Variants in PCDHA3 observed in about 807,000 individuals in gnomAD.
PCDHA3 encodes the protein protocadherin alpha-3.
Under a neutral mutation model 62.2 loss-of-function variants are expected in PCDHA3, and 41 were observed. The observed-to-expected ratio is 0.66, with a 90% CI of 0.51 to 0.86. The LOEUF is 0.86. Ranked by LOEUF, PCDHA3 falls within the 40% of genes least tolerant of loss-of-function variation. PCDHA3 has a pLI of 0.00. For synonymous variants in PCDHA3, 640 were observed against 555.4 expected (o/e 1.15, Z -2.14); for missense variants, 1,304 against 1,241.2 (o/e 1.05, Z -0.76).
At chr5:140,992,587 A>C (rs1393295001) in intron 3 of PCDHA3, among the ~76,000 whole-genome samples, 2 of 152,186 alleles carry the variant, frequency 1.3e-5, no homozygotes, top group African/African-American at 2.4e-5. Context: ...CCTTGTATGC[A>C]TCTAGCGTCT....
intron 3 of PCDHA3, among the ~76,000 whole-genome samples, chr5:140,986,524 G>C (rs2097203903): frequency 6.6e-6 from 1 of 152,198 alleles, no homozygotes; most frequent in South Asian, 2.1e-4. Flanking sequence ...GCCTGTGAGG[G>C]AACTGGCCTG....
chr5:140,837,300 A>C (rs78200905), intron 1 of PCDHA3: 1 of 151,976 alleles, frequency 6.6e-6, no homozygotes, highest in Non-Finnish European at 1.5e-5. Flanking sequence ...CTTTGTTGAG[A>C]TGTATTTGCC....
intron 3 of PCDHA3, among the ~76,000 whole-genome samples, chr5:140,994,922 G>A (rs184710391): frequency 4.6e-5 from 7 of 152,342 alleles, no homozygotes; most frequent in African/African-American, 9.6e-5. Context: ...ATCAGATTTT[G>A]TAGGACCTTA....
intron 1 of PCDHA3, chr5:140,877,968 C>A: frequency 7.9e-7 from 1 of 1,272,970 alleles, no homozygotes; most frequent in Non-Finnish European, 1.0e-6. Context: ...CTTTCTTGGT[C>A]ATTCTTACTC....
chr5:140,858,998 T>G, intron 1 of PCDHA3: 1 of 151,598 alleles, frequency 6.6e-6, no homozygotes, highest in East Asian at 1.9e-4. Context: ...TTGGTAAAAA[T>G]TTCTTAATCT....
chr5:140,851,277 A>C (rs1190417685), intron 1 of PCDHA3: 1 of 1,055,236 alleles, frequency 9.5e-7, no homozygotes, highest in East Asian at 4.9e-5. Flanking sequence ...TGTATTGTTT[A>C]TAAGAAACCC....
intron 1 of PCDHA3, chr5:140,966,810 G>A (rs1290992432): frequency 3.9e-6 from 6 of 1,548,566 alleles, no homozygotes; most frequent in African/African-American, 1.4e-5. Context: ...GAGCATCCAC[G>A]GCTCCGGCGG....
Position 140,801,772 on chromosome 5 carries a change from T to C in PCDHA3, c.575T>C (p.Leu192Pro), listed in dbSNP as rs564667115. ...VKRNDEEIKS[L>P]GLVLKKNLNR... ...AGAAATGATGAGGAAATTAAATCCC[T>C]TGGACTCGTGTTGAAAAAAAATTTA... is the stretch of plus-strand genomic sequence containing the variant. Residue 192 changes from leucine to proline, a missense_variant, in exon 1 of 4, where the codon CTT becomes CCT. Physicochemically the swap from Leu to Pro is moderately conservative, Grantham distance 98. Transcript: ENST00000522353. The C allele has an allele frequency of 9.3e-6, 15 of 1,614,060 alleles. No homozygotes were observed. In the South Asian group the frequency reaches 1.2e-4, roughly 13 times the overall value.
At chr5:140,836,647 G>A (rs2150266694) in intron 1 of PCDHA3, 3 of 1,613,346 alleles carry the variant, frequency 1.9e-6, no homozygotes, top group South Asian at 2.2e-5. Context: ...CAGCAGAGGC[G>A]GCAGAGGGTG....
rs1215014992 is a variant in PCDHA3, at chr5:140,859,892, AT to A, written c.2394+56302del. 2.6e-5 allele frequency: 4 copies of A among 152,144 alleles called. No individual in the cohort carries two copies. The East Asian group carries it at 7.7e-4, about 29-fold the overall frequency. The allele number at this position is 152,144 out of a possible 1,614,324, so 9.4% of individuals were successfully genotyped here. On this transcript the variant is annotated intron_variant, in intron 1 of 3. Transcript: ENST00000522353. ...TCCCCCTCTGATATTTTGAAAAAAAATCTTCCTTAATGTCTTATATTATAAG... is the reference window on the plus strand; with the variant it reads ...TCCCCCTCTGATATTTTGAAAAAAAACTTCCTTAATGTCTTATATTATAAG...
intron 1 of PCDHA3, among the ~76,000 whole-genome samples, chr5:140,972,225 G>A (rs959858462): frequency 3.3e-5 from 5 of 151,474 alleles, no homozygotes; most frequent in Admixed American, 2.0e-4. Context: ...CTGCAGCCTC[G>A]ACCTTCTGGG....
chr5:140,981,252 T>C (rs1482350756), intron 2 of PCDHA3, among the ~76,000 whole-genome samples: 1 of 152,240 alleles, frequency 6.6e-6, no homozygotes, highest in African/African-American at 2.4e-5. Context: ...GAAATTTAAC[T>C]TTCAAGATAA....
chr5:140,837,271 C>T (rs1199620898), intron 1 of PCDHA3: 1 of 152,090 alleles, frequency 6.6e-6, no homozygotes, highest in African/African-American at 2.4e-5. Context: ...TTGTGTAGCA[C>T]TGACTTCTTT....
chr5:140,939,028 C>T (rs1231920381), intron 1 of PCDHA3, among the ~76,000 whole-genome samples: 6 of 152,098 alleles, frequency 3.9e-5, no homozygotes, highest in East Asian at 1.9e-4. Context: ...TTTACTTATT[C>T]GGAAGAGTTG....
At chr5:140,901,716 G>A (rs555901106) in intron 1 of PCDHA3, among the ~76,000 whole-genome samples, 1 of 152,176 alleles carries the variant, frequency 6.6e-6, no homozygotes, top group South Asian at 2.1e-4. Flanking sequence ...TTTTCAGATT[G>A]TCTTTTCTAT....
At chr5:141,005,442 G>A (rs529691807) in intron 3 of PCDHA3, among the ~76,000 whole-genome samples, 39 of 152,092 alleles carry the variant, frequency 2.6e-4, no homozygotes, top group Middle Eastern at 3.4e-3. Context: ...AGAGGCTCAC[G>A]CCTGTAATCC....
intron 1 of PCDHA3, among the ~76,000 whole-genome samples, chr5:140,915,722 A>G (rs559518429): frequency 1.3e-5 from 2 of 151,088 alleles, no homozygotes; most frequent in South Asian, 4.2e-4. Flanking sequence ...CCCACTTTGG[A>G]TTGTGCTGGG....
In PCDHA3 at chr5:140,843,009, C is replaced by T. The variant is rs2150350021; in HGVS notation, c.2394+39418C>T. ...GTGCTGGACGAGAATGACAACGCGC[C>T]GGCACTGCTGGAGCCTCGGGTGGGT... On this transcript the variant is annotated intron_variant, in intron 1 of 3. Coordinates refer to ENST00000522353, the MANE Select transcript of PCDHA3 (RefSeq NM_018906.3). 32 of 1,595,058 alleles carry T rather than the reference C, an allele frequency of 2.0e-5. 4 individuals carry two copies. In the Middle Eastern group the frequency reaches 6.8e-4, roughly 34 times the overall value.
chr5:140,855,793 C>T (rs1383581085), intron 1 of PCDHA3: 1 of 456,918 alleles, frequency 2.2e-6, no homozygotes, highest in East Asian at 3.3e-5. Flanking sequence ...AAAGAATTAA[C>T]ATATGAATGA....
Sources: gnomAD v4.1 joint callset for allele counts (sites outside exome capture counted in the v4.1 genomes callset) on GRCh38, gnomAD v4.1.1 for gene constraint, MANE v1.5 for transcripts, NCBI Gene and HGNC (gene_info 2026-07-23, HGNC 2026-07-21) for gene names.